Variants in IFT172 observed in about 807,000 individuals in gnomAD.
IFT172 encodes intraflagellar transport 172, also known as intraflagellar transport protein 172 homolog.
IFT172 carries 164 observed loss-of-function variants against 248.9 expected under a neutral mutation model. The observed-to-expected ratio is 0.66, with a 90% CI of 0.58 to 0.75. IFT172 has a LOEUF of 0.75. Ranked by LOEUF, IFT172 falls within the 30% of genes least tolerant of loss-of-function variation. The pLI is 0.00. For synonymous variants in IFT172, 729 were observed against 791.6 expected, an observed-to-expected ratio of 0.92 and a Z score of 1.33; for missense variants, 1,950 against 2,192.4, an observed-to-expected ratio of 0.89 and a Z score of 2.21.
At position 27,461,325 on chromosome 2, in the gene IFT172, T is replaced by C. The variant is rs1666646643; in HGVS notation, c.2386A>G (p.Thr796Ala). ...GCAGTGATGTGTTCTACCAGCTCTG[T>C]GTTGGCTAGCAGTTCCTCTCGGGTC... The part of the protein sequence containing the change: ...VLTREELLAN[T>A]ELVEHITAAL... Residue 796 changes from threonine to alanine, a missense_variant, in exon 22 of 48, where the codon ACA becomes GCA. This residue lies in a region of IFT172 where 1,166 missense variants were observed against 1,254.1 expected (regional missense o/e 0.93). Transcript: ENST00000260570. 2 of 1,614,182 alleles carry C rather than the reference T, an allele frequency of 1.2e-6. No individual in the cohort carries two copies. Among genetic ancestry groups the C allele is most frequent in the South Asian group, 2.2e-5 (2 of 91,084 alleles).
chr2:27,476,986 G>A (rs941880456), intron 13 of IFT172: 6 of 591,438 alleles, frequency 1.0e-5, no homozygotes, highest in Non-Finnish European at 1.8e-5. Context: ...ACCATGCCTG[G>A]ATAATTTTTT....
intron 14 of IFT172, chr2:27,475,503 G>A (rs1301293401): frequency 6.6e-6 from 1 of 152,168 alleles, no homozygotes; most frequent in East Asian, 1.9e-4. Flanking sequence ...GTTTAAAGTG[G>A]AAAGCTTCAT....
intron 16 of IFT172, among the ~76,000 whole-genome samples, chr2:27,466,868 T>C (rs1030201110): frequency 6.6e-6 from 1 of 151,402 alleles, no homozygotes; most frequent in African/African-American, 2.4e-5. Context: ...AAAAAAAAAT[T>C]ATCTGGGTGT....
intron 14 of IFT172, among the ~76,000 whole-genome samples, chr2:27,472,917 G>C (rs1004578163): frequency 1.3e-5 from 2 of 151,962 alleles, no homozygotes; most frequent in Non-Finnish European, 2.9e-5. Context: ...GGTTTCAGGG[G>C]GTCTCTTGAT....
rs1270472738 is a variant in IFT172, at chr2:27,485,041, A to G, written c.273T>C (p.Tyr91=). ...IAIGQTDNII[Y]VYKIGEDWGD... is the part of the protein sequence containing the mutation. ...ACCAATCTTCTCCAATCTTGTAGAC[A>G]TAGATGATGTTGTCAGTCTGTCCTA... is the stretch of plus-strand genomic sequence containing the variant. The change falls in exon 3 of 48, where the codon TAT becomes TAC. Residue 91 remains tyrosine (Y), a synonymous_variant. Coordinates refer to ENST00000260570, the MANE Select transcript of IFT172 (RefSeq NM_015662.3). 1 of 1,590,336 alleles carries G rather than the reference A, an allele frequency of 6.3e-7. No homozygotes were observed. Among genetic ancestry groups the G allele is most frequent in the East Asian group, 2.2e-5 (1 of 44,776 alleles).
At position 27,458,169 on chromosome 2, in the gene IFT172, C is replaced by A. The variant is rs746338436; in HGVS notation, c.2932G>T (p.Ala978Ser). 1.9e-6 allele frequency: 3 copies of A among 1,614,176 alleles called. No individual in the cohort carries two copies. Among genetic ancestry groups the A allele is most frequent in the Non-Finnish European group, 2.5e-6 (3 of 1,180,038 alleles). The part of the protein sequence containing the change: ...EDVSVLYITQ[A>S]QEMEKQGKYR... The stretch of plus-strand genomic sequence containing the variant: ...TTGCCCTGCTTCTCCATTTCCTGGG[C>A]CTGAGTGATGTATAGCACTGACACA... Residue 978 changes from alanine to serine, a missense_variant, in exon 27 of 48, where the codon GCC becomes TCC. Transcript: ENST00000260570.
At position 27,449,365 on chromosome 2, in the gene IFT172, C is replaced by T; in HGVS notation, c.4240G>A (p.Val1414Met). Residue 1414 changes from valine to methionine, a missense_variant, in exon 39 of 48, where the codon GTG becomes ATG. This residue lies in a region of IFT172 where 620 missense variants were observed against 699.0 expected (regional missense o/e 0.89). Transcript: ENST00000260570. ...GKVDSLVGVDVIAALDLYVEQ... is the reference protein window; with the variant it reads ...GKVDSLVGVDMIAALDLYVEQ... Reference sequence around the variant, plus strand: ...ACATACAGGTCCAAAGCAGCTATCACATCCACACCCACCAGCTGGGTCAAT... The same window carrying T: ...ACATACAGGTCCAAAGCAGCTATCATATCCACACCCACCAGCTGGGTCAAT... The T allele has an allele frequency of 1.2e-6, 2 of 1,614,194 alleles. No homozygotes were observed. Among genetic ancestry groups the T allele is most frequent in the Non-Finnish European group, 1.7e-6 (2 of 1,180,042 alleles).
chr2:27,480,968 G>T, intron 8 of IFT172, 78 bp downstream of exon 8: 1 of 1,126,518 alleles, frequency 8.9e-7, no homozygotes, highest in Non-Finnish European at 1.3e-6. Context: ...CTCGCACTCT[G>T]GCTCAGAATA....
chr2:27,478,220 T>G lies in IFT172; in HGVS notation c.1006-64A>C, dbSNP rs896153760. 17 of 1,600,402 alleles carry G rather than the reference T, an allele frequency of 1.1e-5. No homozygotes were observed. The Admixed American group carries it at 2.9e-4, about 27-fold the overall frequency. ...AGCCCAAAAGAAGGGTGAACAACCA[T>G]GACCTTTGCCCACCTCCACAGCACT... On this transcript the variant is annotated intron_variant, in intron 10 of 47. Transcript: ENST00000260570.
Position 27,456,541 on chromosome 2 carries a change from T to A in IFT172, c.3341A>T (p.Glu1114Val), listed in dbSNP as rs746036739. 7.4e-6 allele frequency: 12 copies of A among 1,614,042 alleles called. No individual in the cohort carries two copies. Among genetic ancestry groups the A allele is most frequent in the Middle Eastern group, 1.7e-4 (1 of 5,972 alleles). The part of the protein sequence containing the change: ...VRLLNKLGLL[E>V]AAVDHAADNC... ...GTCTGCAGCGTGGTCAACAGCAGCT[T>A]CCAGGAGTCCCAGCTTATTAAGCAG... The change falls in exon 30 of 48, where the codon GAA (glutamate) becomes GTA (valine). Residue 1114 changes from glutamate (E) to valine (V), a missense_variant. Physicochemically the swap from Glu to Val is moderately radical, Grantham distance 121 (BLOSUM62 -2). Around this residue, in one of 3 missense-constraint regions of IFT172, gnomAD observed 164 missense variants for 239.3 expected, o/e 0.69. Transcript: ENST00000260570.
rs1183197958 is a variant in IFT172 at position 27,489,100 on chromosome 2, A to C, written c.39+515T>G. On this transcript the variant is annotated intron_variant, in intron 1 of 47. Coordinates refer to ENST00000260570, the MANE Select transcript of IFT172 (RefSeq NM_015662.3). ...ACAAGGTAAGAAATTTTAAAAAGAA[A>C]ATAAGAAAGTAGTGGTGGAGCTAGG... Among the ~76,000 whole-genome samples, 3 of 152,322 alleles carry C rather than the reference A, an allele frequency of 2.0e-5. No homozygotes were observed. In the East Asian group the frequency reaches 5.8e-4, roughly 29 times the overall value.
Position 27,459,772 on chromosome 2 carries a change from C to A in IFT172, c.2579G>T (p.Trp860Leu). 1 of 1,613,014 alleles carries A rather than the reference C, an allele frequency of 6.2e-7. No individual in the cohort carries two copies. Among genetic ancestry groups the A allele is most frequent in the Non-Finnish European group, 8.5e-7 (1 of 1,180,034 alleles). ...PVEVVKLEEA[W>L]GDHLVQQKQL... ...CTTCTGCTGCACCAGGTGGTCCCCCCATGCCTCCTCTAGTTTCACCACCTC... is the reference window on the plus strand; with the variant it reads ...CTTCTGCTGCACCAGGTGGTCCCCCAATGCCTCCTCTAGTTTCACCACCTC... The change falls in exon 24 of 48, where the codon TGG (tryptophan) becomes TTG (leucine). Residue 860 changes from tryptophan to leucine, a missense_variant. By Grantham distance (61) the Trp-to-Leu change is moderately conservative. This residue lies in a region of IFT172 where 1,166 missense variants were observed against 1,254.1 expected (regional missense o/e 0.93). Coordinates refer to ENST00000260570, the MANE Select transcript of IFT172 (RefSeq NM_015662.3).
intron 39 of IFT172, 85 bp from the exon 40 acceptor site, chr2:27,449,116 G>A: frequency 1.8e-6 from 2 of 1,086,278 alleles, no homozygotes; most frequent in East Asian, 2.4e-5. Flanking sequence ...TGTATTTGTT[G>A]AGGGGAAAAA....
rs1347235465 is a variant in IFT172 at position 27,473,295 on chromosome 2, G to A, written c.1412-933C>T. Among the ~76,000 whole-genome samples, 10 of 148,506 alleles carry A rather than the reference G, an allele frequency of 6.7e-5. 1 individual carries two copies. Among genetic ancestry groups the A allele is most frequent in the East Asian group, 4.1e-4 (2 of 4,894 alleles). On this transcript the variant is annotated intron_variant, in intron 14 of 47. Transcript: ENST00000260570. ...TGAGGCGGGAGAATGGCGTGAACCCGGGAGGCAGAGCTTGCAGTGAGCTGA... is the reference window on the plus strand; with the variant it reads ...TGAGGCGGGAGAATGGCGTGAACCCAGGAGGCAGAGCTTGCAGTGAGCTGA...
In IFT172 at chr2:27,458,239, G is replaced by T. The variant is rs574207849; in HGVS notation, c.2878-16C>A. 4 of 1,609,704 alleles carry T rather than the reference G, an allele frequency of 2.5e-6. No homozygotes were observed. The highest frequency in any genetic ancestry group is 3.4e-6 in the Non-Finnish European group (4 of 1,175,958). On this transcript the variant is annotated splice_polypyrimidine_tract_variant and intron_variant, in intron 26 of 47. Coordinates refer to ENST00000260570, the MANE Select transcript of IFT172 (RefSeq NM_015662.3). ...TCATCGCCAGCTGTGGAGGCACAGA[G>T]GCAAGGCAGCCTCAGATCCAATTCC...
chr2:27,447,108 G>C (rs1665207525), intron 42 of IFT172, among the ~76,000 whole-genome samples: 1 of 152,196 alleles, frequency 6.6e-6, no homozygotes, highest in African/African-American at 2.4e-5. Context: ...CTCCCAAAGT[G>C]CTGGGATTAC....
At chr2:27,476,077 TTC>T (rs1238438290) in intron 14 of IFT172, among the ~76,000 whole-genome samples, 6 of 152,130 alleles carry the variant, frequency 3.9e-5, no homozygotes, top group African/African-American at 7.2e-5. Context: ...CAAATAAAAT[TTC>T]TGTCATTATT....
chr2:27,477,924 G>A, intron 11 of IFT172, 71 bp downstream of exon 11: 2 of 1,578,446 alleles, frequency 1.3e-6, no homozygotes, highest in Non-Finnish European at 8.7e-7. Flanking sequence ...TACCCCTAGG[G>A]ATTTTGGGTC....
intron 42 of IFT172, among the ~76,000 whole-genome samples, chr2:27,446,989 G>T (rs1251838726): frequency 6.7e-6 from 1 of 148,152 alleles, no homozygotes; most frequent in Non-Finnish European, 1.5e-5. Flanking sequence ...GTGAGCCACC[G>T]CGCCCGGCCA....
Sources: gnomAD v4.1 joint callset for allele counts (sites outside exome capture counted in the v4.1 genomes callset) on GRCh38, gnomAD v4.1.1 for gene constraint, gnomAD v4.1.1 regional missense constraint, MANE v1.5 for transcripts, NCBI Gene and HGNC (gene_info 2026-07-23, HGNC 2026-07-21) for gene names.